Variants in COL18A1 observed in about 807,000 individuals in gnomAD.
COL18A1 encodes collagen alpha-1(XVIII) chain.
Under a neutral mutation model 168.0 loss-of-function variants are expected in COL18A1, and 133 were observed. The ratio of observed to expected loss-of-function variants is 0.79; its 90% CI spans 0.69 to 0.91. The LOEUF is 0.91. COL18A1 is among the 40% of genes least tolerant of loss of function. COL18A1 has a pLI of 0.00. For missense variants in COL18A1, 2,126 were observed against 1,925.4 expected, an observed-to-expected ratio of 1.10 and a Z score of -1.95; for synonymous variants, 949 against 809.0, an observed-to-expected ratio of 1.17 and a Z score of -2.94.
chr21:45,495,150 G>A (rs2036487431), intron 28 of COL18A1: 3 of 650,380 alleles, frequency 4.6e-6, no homozygotes, highest in Non-Finnish European at 8.3e-6. Context: ...CAGTGGGCCT[G>A]TGTGTGCTAG....
chr21:45,414,069 C>G (rs924199608), intron 2 of COL18A1, among the ~76,000 whole-genome samples: 2 of 152,172 alleles, frequency 1.3e-5, no homozygotes, highest in Non-Finnish European at 2.9e-5. Flanking sequence ...GGAGGAGGAT[C>G]GGGAGGAGGA....
chr21:45,469,291 C>G (rs1178495292), intron 3 of COL18A1, among the ~76,000 whole-genome samples: 1 of 152,274 alleles, frequency 6.6e-6, no homozygotes, highest in African/African-American at 2.4e-5. Flanking sequence ...AGAATGAAAG[C>G]TGGGGTCCTT....
At chr21:45,484,663 T>G (rs1235698130) in intron 15 of COL18A1, among the ~76,000 whole-genome samples, 1 of 151,490 alleles carries the variant, frequency 6.6e-6, no homozygotes, top group Non-Finnish European at 1.5e-5. Flanking sequence ...TATGTGCACA[T>G]ACACACACAT....
chr21:45,430,478 G>A (rs1163350557), intron 2 of COL18A1, among the ~76,000 whole-genome samples: 1 of 152,054 alleles, frequency 6.6e-6, no homozygotes. Context: ...GGGGGCTCGA[G>A]ACTGGGATCC....
chr21:45,486,543 G>A (rs940236616), intron 15 of COL18A1, among the ~76,000 whole-genome samples: 8 of 151,988 alleles, frequency 5.3e-5, no homozygotes, highest in Non-Finnish European at 7.4e-5. Context: ...TTGCCTGCCC[G>A]GGAGCCAGGG....
chr21:45,453,425 G>A (rs945448856), intron 2 of COL18A1, among the ~76,000 whole-genome samples: 3 of 152,202 alleles, frequency 2.0e-5, no homozygotes, highest in Non-Finnish European at 2.9e-5. Flanking sequence ...GAGCATGTGC[G>A]TACACATGCG....
At chr21:45,464,981 A>G (rs56095707) in intron 2 of COL18A1, among the ~76,000 whole-genome samples, 1 of 152,144 alleles carries the variant, frequency 6.6e-6, no homozygotes. Context: ...GTACATATGC[A>G]TGGGAGTCTT....
intron 21 of COL18A1, 32 bp from the exon 22 acceptor site, chr21:45,491,193 T>G (rs1214987817): frequency 1.9e-5 from 30 of 1,572,864 alleles, no homozygotes; most frequent in Admixed American, 5.0e-5. Context: ...GCGGTTGAGA[T>G]GAAATGCCGG....
chr21:45,441,242 ACTT>A (rs2034362765), intron 2 of COL18A1, among the ~76,000 whole-genome samples: 1 of 151,942 alleles, frequency 6.6e-6, no homozygotes, highest in Admixed American at 6.5e-5. Context: ...CCTCACCTCT[ACTT>A]CTGGCACACG....
chr21:45,504,988 C>CAGGCTATG, intron 34 of COL18A1, 146 bp from the exon 35 acceptor site: 1 of 1,023,790 alleles, frequency 9.8e-7, no homozygotes, highest in Non-Finnish European at 1.5e-6. Flanking sequence ...GGGGGTTTCT[C>CAGGCTATG]AGGCTATGGC....
In COL18A1 at chr21:45,488,664, G is replaced by A. The variant is rs1405703214; in HGVS notation, c.1923+220G>A. Among the ~76,000 whole-genome samples the A allele has an allele frequency of 5.3e-5, 8 of 152,066 alleles. No homozygotes were observed. In the East Asian group the frequency reaches 7.7e-4, roughly 15 times the overall value. On this transcript the variant is annotated intron_variant, in intron 18 of 41. Transcript: ENST00000651438. ...TCCAGCGTTAAGGGGCCATTGTCCC[G>A]TTCTCTCTCCGAAGCCCAGGAATCA...
intron 33 of COL18A1, 64 bp downstream of exon 33, chr21:45,504,118 T>C (rs1043994882): frequency 1.5e-5 from 23 of 1,557,106 alleles, no homozygotes; most frequent in African/African-American, 5.4e-5. Context: ...GGGTGGCTGC[T>C]CCCAATTTCT....
intron 32 of COL18A1, among the ~76,000 whole-genome samples, chr21:45,503,551 C>T (rs2069189842): frequency 6.7e-6 from 1 of 149,204 alleles, no homozygotes; most frequent in Admixed American, 6.8e-5. Context: ...AAACCAAACA[C>T]CGCATATTCT....
At chr21:45,412,256 A>C (rs905105531) in intron 2 of COL18A1, among the ~76,000 whole-genome samples, 14 of 124,058 alleles carry the variant, frequency 1.1e-4, no homozygotes, top group African/African-American at 4.6e-4. Flanking sequence ...TTTTTTTTCG[A>C]GATGGAGTCT....
At position 45,423,020 on chromosome 21, in the gene COL18A1, G is replaced by C. The variant is rs1480460144; in HGVS notation, c.106+17547G>C. ...GTAGAGACAAGGTTTCTCCATGTTG[G>C]TCAGGCTGGTCTCTAACTCCCGACC... On this transcript the variant is annotated intron_variant, in intron 2 of 41. Transcript: ENST00000651438. The surrounding 1 kb of genome is among the most constrained non-coding windows in gnomAD (Gnocchi z 4.0). 6.6e-6 allele frequency among the ~76,000 whole-genome samples: 1 copy of C among 152,060 alleles called. No homozygotes were observed. Among genetic ancestry groups the C allele is most frequent in the African/African-American group, 2.4e-5 (1 of 41,386 alleles).
chr21:45,482,676 G>T (rs759249281), intron 14 of COL18A1, 119 bp from the exon 15 acceptor site: 2 of 1,455,740 alleles, frequency 1.4e-6, no homozygotes, highest in South Asian at 1.2e-5. Context: ...TATTAAACCG[G>T]CACAGGCAGC....
At chr21:45,475,595 A>T in intron 5 of COL18A1, 60 bp downstream of exon 5, 1 of 1,426,754 alleles carries the variant, frequency 7.0e-7, no homozygotes, top group Admixed American at 1.9e-5. Context: ...CCCTCCCAGC[A>T]GTGGGGTGAC....
rs890796686 is a variant in COL18A1, at chr21:45,487,093, C to T, written c.1833+101C>T. On this transcript the variant is annotated intron_variant, in intron 16 of 41. Transcript: ENST00000651438. ...CACTCACAGAGCAGCACGTCCTGGG[C>T]GGTGGCCTTGCTGGCACTGCCTCAT... 9.6e-5 allele frequency: 115 copies of T among 1,203,054 alleles called. 1 individual carries two copies. The Middle Eastern group carries it at 1.7e-3, about 18-fold the overall frequency. The allele number at this position is 1,203,054 out of a possible 1,614,324, so 74.5% of individuals were successfully genotyped here.
rs761670508 is a variant in COL18A1 at position 45,512,266 on chromosome 21, G to A, written c.3888G>A (p.Thr1296=). The A allele has an allele frequency of 2.7e-5, 44 of 1,611,756 alleles. No individual in the cohort carries two copies. The highest frequency in any genetic ancestry group is 8.0e-5 in the African/African-American group (6 of 74,912). ...AGAGCTACTGTGAGACGTGGCGGAC[G>A]GAGGCTCCCTCGGCCACGGGCCAGG... ...LTESYCETWR[T]EAPSATGQAS... The change falls in exon 42 of 42, where the codon ACG becomes ACA. Residue 1296 remains threonine (T), a synonymous_variant. Transcript: ENST00000651438.
Sources: allele counts gnomAD v4.1 joint callset (sites outside exome capture counted in the v4.1 genomes callset), GRCh38; gene constraint gnomAD v4.1.1; non-coding constraint Gnocchi (gnomAD v3.1); transcripts MANE v1.5; gene names NCBI Gene and HGNC (gene_info 2026-07-23, HGNC 2026-07-21).